MARCHF1: variants seen among roughly 807,000 people sequenced by gnomAD.
MARCHF1 encodes membrane associated ring-CH-type finger 1.
Under a neutral mutation model 54.2 loss-of-function variants are expected in MARCHF1, and 40 were observed. That is an observed-to-expected ratio of 0.74 (90% CI 0.57 to 0.96). MARCHF1 has a LOEUF of 0.96. Among genes scored for constraint, MARCHF1 ranks in the 40% least tolerant of loss-of-function variants. MARCHF1 has a pLI of 0.00. For synonymous variants in MARCHF1, 236 were observed against 236.3 expected (o/e 1.00, Z 0.01); for missense variants, 586 against 656.5 (o/e 0.89, Z 1.17).
At chr4:163,854,231 A>T in intron 3 of MARCHF1, 62 bp from the exon 4 acceptor site, 1 of 1,234,038 alleles carries the variant, frequency 8.1e-7, no homozygotes, top group South Asian at 1.7e-5. Flanking sequence ...TGGAAAATAC[A>T]TATAATCAAA....
At chr4:163,607,571 C>A (rs1264588597) in intron 7 of MARCHF1, among the ~76,000 whole-genome samples, 1 of 152,012 alleles carries the variant, frequency 6.6e-6, no homozygotes, top group Non-Finnish European at 1.5e-5. Flanking sequence ...GTGACACAAC[C>A]CATGCTATAT....
chr4:164,182,392 A>C (rs1730854075), intron 1 of MARCHF1, among the ~76,000 whole-genome samples: 1 of 152,080 alleles, frequency 6.6e-6, no homozygotes, highest in Non-Finnish European at 1.5e-5. Context: ...AGAATTGTAC[A>C]GAATGCATTT....
intron 4 of MARCHF1, among the ~76,000 whole-genome samples, chr4:163,818,588 C>G (rs975728205): frequency 9.2e-5 from 14 of 152,050 alleles, no homozygotes; most frequent in Non-Finnish European, 1.5e-4. Flanking sequence ...TCTGGCCATC[C>G]TTGCCCTGAA....
intron 5 of MARCHF1, among the ~76,000 whole-genome samples, chr4:163,691,169 A>T (rs184972049): frequency 2.2e-3 from 331 of 152,280 alleles, no homozygotes; most frequent in Non-Finnish European, 2.6e-3. Flanking sequence ...AGGCTATCGA[A>T]TTGTTGTATC....
chr4:164,169,883 A>G (rs1259959214), intron 1 of MARCHF1, among the ~76,000 whole-genome samples: 1 of 152,064 alleles, frequency 6.6e-6, no homozygotes. Context: ...CACAACCAAG[A>G]GATTTAAATC....
At chr4:163,963,409 G>A (rs994834815) in intron 3 of MARCHF1, among the ~76,000 whole-genome samples, 4 of 151,830 alleles carry the variant, frequency 2.6e-5, no homozygotes, top group African/African-American at 7.3e-5. Flanking sequence ...CGATGATACC[G>A]AGTTAAGATA....
At chr4:163,600,886 C>G (rs1299961633) in intron 7 of MARCHF1, among the ~76,000 whole-genome samples, 1 of 152,092 alleles carries the variant, frequency 6.6e-6, no homozygotes, top group Admixed American at 6.6e-5. Context: ...CAAACACAGA[C>G]ACTTCTGAAT....
chr4:164,100,093 C>T (rs1755507530), intron 2 of MARCHF1, among the ~76,000 whole-genome samples: 2 of 152,160 alleles, frequency 1.3e-5, no homozygotes, highest in Admixed American at 6.5e-5. Flanking sequence ...AATTTTTACA[C>T]TTATTCATTC....
intron 3 of MARCHF1, among the ~76,000 whole-genome samples, chr4:163,982,707 A>C (rs1048826570): frequency 1.3e-5 from 2 of 152,060 alleles, no homozygotes; most frequent in Non-Finnish European, 2.9e-5. Flanking sequence ...TTCTCTCTCT[A>C]TGTTCTGCCT....
chr4:163,800,291 AATAGTTTTAACCTG>A (rs1253239405), intron 4 of MARCHF1, among the ~76,000 whole-genome samples: 2 of 152,010 alleles, frequency 1.3e-5, no homozygotes, highest in African/African-American at 4.8e-5. Context: ...AAGGAAATGT[AATAGTTTTAACCTG>A]ATGTTTTAAT....
chr4:164,205,713 CCA>C (rs57095489), intron 1 of MARCHF1, among the ~76,000 whole-genome samples: 13,117 of 151,720 alleles, frequency 0.086, 879 homozygotes, highest in East Asian at 0.18. Context: ...CAAGGTTGAG[CCA>C]CAGTTGTCTA....
At chr4:163,718,885 T>G (rs1745348237) in intron 4 of MARCHF1, among the ~76,000 whole-genome samples, 1 of 152,224 alleles carries the variant, frequency 6.6e-6, no homozygotes, top group South Asian at 2.1e-4. Flanking sequence ...CATCTGCTAT[T>G]GTAAAATCTT....
intron 2 of MARCHF1, among the ~76,000 whole-genome samples, chr4:164,022,915 G>A (rs2110972311): frequency 6.6e-6 from 1 of 152,312 alleles, no homozygotes; most frequent in East Asian, 1.9e-4. Context: ...TGGGTATTTT[G>A]CTCTACCCAA....
At chr4:164,314,252 G>A (rs568564630) in intron 1 of MARCHF1, among the ~76,000 whole-genome samples, 1 of 152,226 alleles carries the variant, frequency 6.6e-6, no homozygotes, top group East Asian at 1.9e-4. Context: ...TGGAGTGTTC[G>A]TCACAGCTTG....
At chr4:164,300,141 A>C (rs1041208234) in intron 1 of MARCHF1, among the ~76,000 whole-genome samples, 7 of 152,026 alleles carry the variant, frequency 4.6e-5, no homozygotes, top group Admixed American at 3.9e-4. Context: ...TCAATTCTAA[A>C]GTCTCTTCCT....
Position 163,865,862 on chromosome 4 carries a change from T to A in MARCHF1, c.-38-11693A>T, listed in dbSNP as rs76286321. Reference sequence around the variant, plus strand: ...TTATATGAATATAGTTTTTTTCTGATAAATTTTGCAAAACCCTAAAGATTA... The same window carrying A: ...TTATATGAATATAGTTTTTTTCTGAAAAATTTTGCAAAACCCTAAAGATTA... On this transcript the variant is annotated intron_variant, in intron 3 of 9. Transcript: ENST00000514618. Among the ~76,000 whole-genome samples the A allele has an allele frequency of 4.5e-3, 679 of 151,792 alleles. 8 individuals carry two copies. Among genetic ancestry groups the A allele is most frequent in the African/African-American group, 0.015 (630 of 41,502 alleles).
chr4:163,719,397 A>G (rs951918006), intron 4 of MARCHF1, among the ~76,000 whole-genome samples: 2 of 152,152 alleles, frequency 1.3e-5, no homozygotes, highest in African/African-American at 4.8e-5. Flanking sequence ...TCCATGGTGT[A>G]TATGTGCCAC....
At chr4:163,985,543 T>C (rs954969484) in intron 3 of MARCHF1, among the ~76,000 whole-genome samples, 4 of 152,184 alleles carry the variant, frequency 2.6e-5, no homozygotes, top group Non-Finnish European at 4.4e-5. Context: ...CAAAAGAATT[T>C]TTAGAAATAT....
chr4:163,596,951 AATT>A (rs142972509), intron 7 of MARCHF1, among the ~76,000 whole-genome samples: 3 of 150,658 alleles, frequency 2.0e-5, no homozygotes, highest in Non-Finnish European at 4.4e-5. Context: ...TAATTACCCC[AATT>A]ATTATTATTA....
Sources: gnomAD v4.1 joint callset for allele counts (sites outside exome capture counted in the v4.1 genomes callset) on GRCh38, gnomAD v4.1.1 for gene constraint, MANE v1.5 for transcripts, NCBI Gene and HGNC (gene_info 2026-07-23, HGNC 2026-07-21) for gene names.